Variants in MBOAT1 observed in about 807,000 individuals in gnomAD.
MBOAT1 encodes membrane bound glycerophospholipid O-acyltransferase 1.
Under a neutral mutation model 64.4 loss-of-function variants are expected in MBOAT1, and 67 were observed. That is an observed-to-expected ratio of 1.04 (90% confidence interval 0.85 to 1.27). MBOAT1 has a LOEUF of 1.27. MBOAT1 is among the 50% of genes most tolerant of loss of function. The pLI is 0.00. For missense variants in MBOAT1, 563 were observed against 604.6 expected (o/e 0.93, Z 0.72); for synonymous variants, 229 against 218.9 (o/e 1.05, Z -0.41).
chr6:20,101,043 T>C lies in MBOAT1; in HGVS notation c.*1243A>G, dbSNP rs1759771771. Among the ~76,000 whole-genome samples the C allele has an allele frequency of 6.6e-6, 1 of 152,256 alleles. No individual in the cohort carries two copies. The highest frequency in any genetic ancestry group is 2.1e-4 in the South Asian group (1 of 4,830). ...AACTGAAAAAATGAAAATCAGCCCA[T>C]GTGTACATCACGGCCAGCCATGATC... is the stretch of plus-strand genomic sequence containing the variant. On this transcript the variant is annotated 3_prime_UTR_variant, in exon 13 of 13. Transcript: ENST00000324607.
chr6:20,118,309 G>A (rs558487646), intron 9 of MBOAT1, 128 bp downstream of exon 9: 3 of 718,878 alleles, frequency 4.2e-6, no homozygotes, highest in Non-Finnish European at 4.7e-6. Context: ...GTAGGCTGCT[G>A]AGCCTGGCAA....
chr6:20,183,817 G>A (rs1762571968), intron 1 of MBOAT1, among the ~76,000 whole-genome samples: 1 of 152,242 alleles, frequency 6.6e-6, no homozygotes, highest in East Asian at 1.9e-4. Flanking sequence ...GGAAGACAAA[G>A]AGGCTGAATT....
At chr6:20,169,433 G>A (rs556493734) in intron 1 of MBOAT1, among the ~76,000 whole-genome samples, 15 of 152,160 alleles carry the variant, frequency 9.9e-5, no homozygotes, top group Non-Finnish European at 2.2e-4. Flanking sequence ...AAAGTTTGGT[G>A]ACCATTGTGC....
At chr6:20,119,947 C>T (rs1760443463) in intron 8 of MBOAT1, among the ~76,000 whole-genome samples, 1 of 152,056 alleles carries the variant, frequency 6.6e-6, no homozygotes, top group African/African-American at 2.4e-5. Context: ...TCTGGCACAG[C>T]TGGTTAGACC....
chr6:20,137,137 T>TA (rs949337295), intron 4 of MBOAT1, among the ~76,000 whole-genome samples: 6 of 150,704 alleles, frequency 4.0e-5, no homozygotes, highest in African/African-American at 7.3e-5. Context: ...ATATGAACTT[T>TA]AAAAAAAAAA....
At chr6:20,165,742 CA>C (rs11309966) in intron 1 of MBOAT1, among the ~76,000 whole-genome samples, 94,708 of 137,386 alleles carry the variant, frequency 0.69, 31,031 homozygotes, top group South Asian at 0.76. Flanking sequence ...GACTCTGTTT[CA>C]AAAAAAAAAA....
intron 4 of MBOAT1, among the ~76,000 whole-genome samples, chr6:20,133,441 C>T (rs1423181376): frequency 6.6e-6 from 1 of 152,212 alleles, no homozygotes; most frequent in South Asian, 2.1e-4. Context: ...ACATGTAACA[C>T]ATGAAGAGGG....
In MBOAT1 at chr6:20,113,511, C is replaced by T. The variant is rs1203402737; in HGVS notation, c.1077-503G>A. On this transcript the variant is annotated intron_variant, in intron 10 of 12. Coordinates refer to ENST00000324607, the MANE Select transcript of MBOAT1 (RefSeq NM_001080480.3). The stretch of plus-strand genomic sequence containing the variant: ...CATCTAACCTAATCAGCACCATCAC[C>T]CTGTTCATCCCTTTTGGCAATGACT... Among the ~76,000 whole-genome samples the T allele has an allele frequency of 4.0e-5, 6 of 151,822 alleles. No individual in the cohort carries two copies. In the East Asian group the frequency reaches 1.2e-3, roughly 29 times the overall value.
At chr6:20,168,573 GAGAGAA>G (rs1762086759) in intron 1 of MBOAT1, among the ~76,000 whole-genome samples, 1 of 117,742 alleles carries the variant, frequency 8.5e-6, no homozygotes, top group African/African-American at 3.3e-5. Flanking sequence ...GAAAGAGAGA[GAGAGAA>G]AGAGAGAGAG....
At chr6:20,184,268 G>A (rs1762587249) in intron 1 of MBOAT1, among the ~76,000 whole-genome samples, 1 of 152,218 alleles carries the variant, frequency 6.6e-6, no homozygotes, top group East Asian at 1.9e-4. Flanking sequence ...CGCTGATGTG[G>A]AAGTCCAGCC....
intron 12 of MBOAT1, among the ~76,000 whole-genome samples, chr6:20,108,796 A>C (rs1324896017): frequency 6.6e-6 from 1 of 152,218 alleles, no homozygotes; most frequent in East Asian, 1.9e-4. Flanking sequence ...TATCTCATTA[A>C]TTCTAACACT....
chr6:20,118,656 G>C, intron 8 of MBOAT1, 116 bp from the exon 9 acceptor site: 1 of 752,886 alleles, frequency 1.3e-6, no homozygotes. Flanking sequence ...AGTGTCTTTG[G>C]AAAAGGAACC....
chr6:20,177,445 C>CA (rs1248714932), intron 1 of MBOAT1, among the ~76,000 whole-genome samples: 1 of 152,148 alleles, frequency 6.6e-6, no homozygotes, highest in Admixed American at 6.5e-5. Context: ...CCTCCTGCCT[C>CA]AGTCTCCCAA....
At chr6:20,167,907 C>T (rs1163176132) in intron 1 of MBOAT1, among the ~76,000 whole-genome samples, 1 of 152,136 alleles carries the variant, frequency 6.6e-6, no homozygotes, top group Non-Finnish European at 1.5e-5. Flanking sequence ...AAACTCTTTA[C>T]CCAACACAGT....
intron 1 of MBOAT1, among the ~76,000 whole-genome samples, chr6:20,194,123 C>CA (rs1554122441): frequency 0.35 from 52,152 of 150,610 alleles, 9,209 homozygotes; most frequent in East Asian, 0.46. Flanking sequence ...ACCAGTGATC[C>CA]AAAAAAAAAA....
Position 20,212,375 on chromosome 6 carries a change from G to A in MBOAT1, c.-141C>T, listed in dbSNP as rs113570493. 5.4e-3 allele frequency: 3,839 copies of A among 716,596 alleles called. 109 individuals carry two copies. The African/African-American group carries it at 0.058, about 11-fold the overall frequency. The allele number at this position is 716,596 out of a possible 1,614,324, so 44.4% of individuals were successfully genotyped here. ...CGCGGGGGAGCGAACGGGAGGCCGG[G>A]GAATGCGAACCGGCGCAAACTCTCG... On this transcript the variant is annotated 5_prime_UTR_variant, in exon 1 of 13. Transcript: ENST00000324607.
intron 1 of MBOAT1, among the ~76,000 whole-genome samples, chr6:20,178,313 C>T (rs1026580065): frequency 4.6e-5 from 7 of 152,054 alleles, no homozygotes; most frequent in African/African-American, 1.7e-4. Flanking sequence ...ACTAGTTAGT[C>T]CCCAGGGATA....
intron 1 of MBOAT1, 58 bp from the exon 2 acceptor site, chr6:20,152,827 GTTTGT>G (rs113824810): frequency 0.51 from 753,637 of 1,478,224 alleles, 199,710 homozygotes; most frequent in Admixed American, 0.54. Flanking sequence ...TGGTTTTTTT[GTTTGT>G]TTTGTTTTGT....
rs1762688634 is a variant in MBOAT1 at position 20,187,555 on chromosome 6, C to A, written c.99+24581G>T. On this transcript the variant is annotated intron_variant, in intron 1 of 12. Coordinates refer to ENST00000324607, the MANE Select transcript of MBOAT1 (RefSeq NM_001080480.3). ...AATTCTAGTTTTACAAATTTAAAAT[C>A]ATCTACAAAACCAGAAAAGATTCAG... Among the ~76,000 whole-genome samples, 9 of 152,282 alleles carry A rather than the reference C, an allele frequency of 5.9e-5. No individual in the cohort carries two copies. In the South Asian group the frequency reaches 1.7e-3, roughly 28 times the overall value.
Sources: gnomAD v4.1 joint callset for allele counts (sites outside exome capture counted in the v4.1 genomes callset) on GRCh38, gnomAD v4.1.1 for gene constraint, MANE v1.5 for transcripts, NCBI Gene and HGNC (gene_info 2026-07-23, HGNC 2026-07-21) for gene names.